Variants in PTPRO observed in about 807,000 individuals in gnomAD.
PTPRO encodes the protein protein tyrosine phosphatase receptor type O.
In PTPRO, 62 loss-of-function variants were observed where a neutral mutation model predicts 145.2. The observed-to-expected ratio is 0.43, with a 90% CI of 0.35 to 0.53. The LOEUF is 0.53. Ranked by LOEUF, PTPRO falls within the 20% of genes least tolerant of loss-of-function variation. The pLI, the probability that PTPRO is intolerant of heterozygous loss-of-function variation, is 0.01. For missense variants in PTPRO, 1,345 were observed against 1,482.7 expected, an observed-to-expected ratio of 0.91 and a Z score of 1.53; for synonymous variants, 565 against 514.7, an observed-to-expected ratio of 1.10 and a Z score of -1.32.
intron 1 of PTPRO, among the ~76,000 whole-genome samples, chr12:15,348,990 G>T (rs1937697857): frequency 6.6e-6 from 1 of 152,174 alleles, no homozygotes; most frequent in Admixed American, 6.5e-5. Context: ...GCTTGGGAGA[G>T]AACAATAAAG....
intron 7 of PTPRO, among the ~76,000 whole-genome samples, chr12:15,514,443 C>T (rs1489360093): frequency 1.6e-5 from 2 of 128,262 alleles, no homozygotes; most frequent in Non-Finnish European, 3.1e-5. Context: ...CAGAGTAAGA[C>T]TCTGTCTCAA....
chr12:15,559,259 A>G lies in PTPRO; in HGVS notation c.2628-934A>G, dbSNP rs1943714838. 2.0e-5 allele frequency among the ~76,000 whole-genome samples: 3 copies of G among 152,178 alleles called. No individual in the cohort carries two copies. In the South Asian group the frequency reaches 6.2e-4, roughly 31 times the overall value. On this transcript the variant is annotated intron_variant, in intron 16 of 26. Coordinates refer to ENST00000281171, the MANE Select transcript of PTPRO (RefSeq NM_030667.3). ...AGGATCTTTCTATAAAATCAAGCAC[A>G]TTTTGCAGCTCTTCACAAAGACAGT...
chr12:15,403,665 C>T (rs577130891), intron 1 of PTPRO, among the ~76,000 whole-genome samples: 3 of 152,272 alleles, frequency 2.0e-5, no homozygotes, highest in African/African-American at 2.4e-5. Flanking sequence ...TACTTGGCTT[C>T]CCTATTTAAA....
chr12:15,477,544 T>C (rs1396889480), intron 1 of PTPRO, among the ~76,000 whole-genome samples: 2 of 151,972 alleles, frequency 1.3e-5, no homozygotes, highest in Non-Finnish European at 2.9e-5. Context: ...AGTAAGCTGA[T>C]GATGGTAGAG....
rs1015367422 is a variant in PTPRO, at chr12:15,450,409, T to A, written c.76-33565T>A. On this transcript the variant is annotated intron_variant, in intron 1 of 26. Transcript: ENST00000281171. ...GTGTTGGCCAAAATGATTTGACTAC[T>A]TTATAGAAAGCTGTCGTTTTACCAA... 2.0e-5 allele frequency among the ~76,000 whole-genome samples: 3 copies of A among 152,336 alleles called. No individual in the cohort carries two copies. In the South Asian group the frequency reaches 6.2e-4, roughly 32 times the overall value.
Position 15,565,639 on chromosome 12 carries a change from C to A in PTPRO, c.2747+11C>A. 7.1e-7 allele frequency: 1 copy of A among 1,414,728 alleles called. No individual in the cohort carries two copies. The highest frequency in any genetic ancestry group is 1.2e-5 in the South Asian group (1 of 85,950). 87.6% of individuals were successfully genotyped at this position (1,414,728 alleles called of 1,614,324 possible). Reference sequence around the variant, plus strand: ...GAGGAAACTGACAAAGTAAGTTTTTCTTACTATGTCATTTAAAAGGATGTT... The same window carrying A: ...GAGGAAACTGACAAAGTAAGTTTTTATTACTATGTCATTTAAAAGGATGTT... On this transcript the variant is annotated intron_variant, in intron 18 of 26. Coordinates refer to ENST00000281171, the MANE Select transcript of PTPRO (RefSeq NM_030667.3).
chr12:15,337,784 G>A (rs1444400735), intron 1 of PTPRO, among the ~76,000 whole-genome samples: 1 of 152,122 alleles, frequency 6.6e-6, no homozygotes, highest in African/African-American at 2.4e-5. Context: ...TGAACTTCAG[G>A]AAAATAATGC....
chr12:15,514,603 T>C (rs1942537395), intron 7 of PTPRO, among the ~76,000 whole-genome samples: 1 of 151,838 alleles, frequency 6.6e-6, no homozygotes, highest in Admixed American at 6.6e-5. Flanking sequence ...TTGCCCATAG[T>C]GTAGATTAAA....
chr12:15,546,382 A>T, intron 12 of PTPRO, 187 bp from the exon 13 acceptor site: 1 of 1,425,306 alleles, frequency 7.0e-7, no homozygotes, highest in Non-Finnish European at 9.1e-7. Context: ...GAAAAGGCAA[A>T]GTATTCTGCC....
intron 1 of PTPRO, among the ~76,000 whole-genome samples, chr12:15,374,501 A>G (rs1253366808): frequency 6.6e-6 from 1 of 152,164 alleles, no homozygotes; most frequent in Non-Finnish European, 1.5e-5. Flanking sequence ...AGTTTTGAGT[A>G]GCCTTAAAAA....
chr12:15,581,300 T>TTC (rs1944310762), intron 22 of PTPRO, among the ~76,000 whole-genome samples: 1 of 80,482 alleles, frequency 1.2e-5, no homozygotes, highest in Non-Finnish European at 2.3e-5. Context: ...AGTGCTTTCT[T>TTC]TTTTTTTTTT....
intron 1 of PTPRO, among the ~76,000 whole-genome samples, chr12:15,442,930 T>C (rs1448863538): frequency 6.6e-6 from 1 of 152,100 alleles, no homozygotes; most frequent in African/African-American, 2.4e-5. Flanking sequence ...ACTACTCCTA[T>C]CAAGCTACCA....
chr12:15,579,929 T>A, intron 20 of PTPRO, 110 bp from the exon 21 acceptor site: 1 of 809,240 alleles, frequency 1.2e-6, no homozygotes, highest in Non-Finnish European at 2.0e-6. Context: ...AAAATTATTA[T>A]CTGCCTACTC....
intron 1 of PTPRO, among the ~76,000 whole-genome samples, chr12:15,454,667 C>T (rs1941129523): frequency 6.6e-6 from 1 of 152,166 alleles, no homozygotes; most frequent in Non-Finnish European, 1.5e-5. Context: ...CAACCAGTGT[C>T]ATGAAGCTTT....
At chr12:15,392,834 A>G (rs1939228041) in intron 1 of PTPRO, among the ~76,000 whole-genome samples, 1 of 151,610 alleles carries the variant, frequency 6.6e-6, no homozygotes, top group Non-Finnish European at 1.5e-5. Context: ...TCCTGCTAGC[A>G]CTGGGGTTGT....
rs1272188202 is a variant in PTPRO at position 15,501,990 on chromosome 12, A to G, written c.1032A>G (p.Gln344=). 6.2e-7 allele frequency: 1 copy of G among 1,613,946 alleles called. No individual in the cohort carries two copies. Among genetic ancestry groups the G allele is most frequent in the African/African-American group, 1.3e-5 (1 of 74,920 alleles). The change falls in exon 5 of 27, where the codon CAA becomes CAG. Residue 344 remains glutamine (Q), a synonymous_variant. Coordinates refer to ENST00000281171, the MANE Select transcript of PTPRO (RefSeq NM_030667.3). Reference sequence around the variant, plus strand: ...GCTCTTTCTCCTTTTTCCCTGTGCAAATGATATTGACCTGGTTACCACCCA... The same window carrying G: ...GCTCTTTCTCCTTTTTCCCTGTGCAGATGATATTGACCTGGTTACCACCCA... ...TSGSFSFFPV[Q]MILTWLPPKP...
intron 17 of PTPRO, among the ~76,000 whole-genome samples, chr12:15,560,745 TTGTA>T (rs1161513640): frequency 6.6e-6 from 1 of 152,044 alleles, no homozygotes; most frequent in Non-Finnish European, 1.5e-5. Flanking sequence ...GCAAGCCTCT[TTGTA>T]TGATTATCTG....
chr12:15,333,991 C>T (rs912998783), intron 1 of PTPRO, among the ~76,000 whole-genome samples: 1 of 152,030 alleles, frequency 6.6e-6, no homozygotes, highest in Non-Finnish European at 1.5e-5. Flanking sequence ...AAATGTAAAA[C>T]TTTGTTTTTA....
intron 12 of PTPRO, among the ~76,000 whole-genome samples, chr12:15,542,514 CT>C (rs1240904054): frequency 6.6e-6 from 1 of 152,156 alleles, no homozygotes; most frequent in Non-Finnish European, 1.5e-5. Flanking sequence ...TGGGAACCCC[CT>C]AGCCAGTTTT....
Sources: gnomAD v4.1 joint callset for allele counts (sites outside exome capture counted in the v4.1 genomes callset) on GRCh38, gnomAD v4.1.1 for gene constraint, MANE v1.5 for transcripts, NCBI Gene and HGNC (gene_info 2026-07-23, HGNC 2026-07-21) for gene names.